Variants in SYTL2 observed in about 807,000 individuals in gnomAD.
SYTL2 encodes the protein synaptotagmin like 2, also known as synaptotagmin-like protein 2.
In SYTL2, 165 loss-of-function variants were observed where a neutral mutation model predicts 198.7. The observed-to-expected ratio is 0.83, with a 90% CI of 0.73 to 0.94. The LOEUF is 0.94. SYTL2 is among the 40% of genes least tolerant of loss of function. The pLI is 0.00. For synonymous variants in SYTL2, 966 were observed against 917.7 expected (o/e 1.05, Z -0.95); for missense variants, 2,835 against 2,582.8 (o/e 1.10, Z -2.12).
intron 4 of SYTL2, among the ~76,000 whole-genome samples, chr11:85,744,425 T>C (rs1467563580): frequency 1.3e-5 from 2 of 152,096 alleles, no homozygotes; most frequent in Non-Finnish European, 2.9e-5. Context: ...TCTACAGATA[T>C]AAAAGAATAT....
At chr11:85,735,974 G>A (rs1001965612) in intron 6 of SYTL2, among the ~76,000 whole-genome samples, 1 of 152,172 alleles carries the variant, frequency 6.6e-6, no homozygotes, top group African/African-American at 2.4e-5. Flanking sequence ...TGAAGAGATT[G>A]AAATGTTTAG....
intron 1 of SYTL2, among the ~76,000 whole-genome samples, chr11:85,795,419 C>T (rs535665296): frequency 1.1e-4 from 17 of 152,276 alleles, no homozygotes; most frequent in African/African-American, 3.4e-4. Flanking sequence ...CAGATACTTA[C>T]GCCCAGTAGC....
intron 4 of SYTL2, among the ~76,000 whole-genome samples, chr11:85,742,661 T>C (rs1005351964): frequency 1.3e-5 from 2 of 152,246 alleles, no homozygotes; most frequent in African/African-American, 4.8e-5. Context: ...TTGTTTTCTG[T>C]ATTTTATTTT....
At chr11:85,817,232 A>C in the SYTL2 span, among the ~76,000 whole-genome samples, 1 of 152,186 alleles carries the variant, frequency 6.6e-6, no homozygotes, top group Non-Finnish European at 1.5e-5. Context: ...GTGTATACCC[A>C]TTATTTCATG....
At chr11:85,766,838 G>A (rs1346821235) in intron 1 of SYTL2, among the ~76,000 whole-genome samples, 1 of 152,198 alleles carries the variant, frequency 6.6e-6, no homozygotes, top group Non-Finnish European at 1.5e-5. Context: ...GCCAGGGAAG[G>A]CTTCCTTGAA....
At chr11:85,783,035 T>C (rs969875039) in intron 1 of SYTL2, among the ~76,000 whole-genome samples, 2 of 152,242 alleles carry the variant, frequency 1.3e-5, no homozygotes, top group Non-Finnish European at 1.5e-5. Flanking sequence ...CATTTTTGGA[T>C]ATCTTTACAG....
the SYTL2 span, among the ~76,000 whole-genome samples, chr11:85,848,895 G>GA: frequency 2.6e-5 from 4 of 151,420 alleles, no homozygotes; most frequent in Non-Finnish European, 5.9e-5. Flanking sequence ...AAGTAAGAAG[G>GA]AAAAAAAAGA....
intron 11 of SYTL2, chr11:85,715,221 G>A (rs2086986235): frequency 6.6e-6 from 1 of 152,082 alleles, no homozygotes; most frequent in Non-Finnish European, 1.5e-5. Flanking sequence ...GAAGGTACAA[G>A]AAGAGGATAA....
chr11:85,707,592 GTTT>G (rs2085404924), intron 14 of SYTL2, 61 bp from the exon 15 acceptor site: 2 of 1,065,250 alleles, frequency 1.9e-6, no homozygotes, highest in Admixed American at 3.9e-5. Flanking sequence ...TCCACCTCTA[GTTT>G]TTTAAATACA....
intron 12 of SYTL2, among the ~76,000 whole-genome samples, chr11:85,711,516 G>A (rs1348807390): frequency 9.2e-5 from 14 of 152,172 alleles, no homozygotes; most frequent in Non-Finnish European, 1.0e-4. Flanking sequence ...GCACTATTGT[G>A]AGCTTTCTTG....
At chr11:85,806,261 T>G (rs954118046) in intron 1 of SYTL2, among the ~76,000 whole-genome samples, 1 of 152,196 alleles carries the variant, frequency 6.6e-6, no homozygotes, top group Admixed American at 6.5e-5. Context: ...ATTCCAATCA[T>G]AGCTGCACAT....
chr11:85,827,487 G>A, the SYTL2 span, among the ~76,000 whole-genome samples: 1 of 152,042 alleles, frequency 6.6e-6, no homozygotes, highest in Non-Finnish European at 1.5e-5. Context: ...GCCTTTCCAG[G>A]GGCTGTTCTC....
At chr11:85,761,916 C>A (rs1338857437) in intron 1 of SYTL2, among the ~76,000 whole-genome samples, 2 of 152,210 alleles carry the variant, frequency 1.3e-5, no homozygotes, top group Non-Finnish European at 2.9e-5. Context: ...GCCTCGGCCT[C>A]CCAAAGTATT....
chr11:85,695,426 C>T lies in SYTL2; in HGVS notation c.6575-86G>A, dbSNP rs1216795635. ...GAAAGTTATTCCCTAATTATAACCA[C>T]CAGTGGAAGCTAGGAGGAGCTTTCT... On this transcript the variant is annotated intron_variant, in intron 19 of 19. Coordinates refer to ENST00000359152, the MANE Select transcript of SYTL2 (RefSeq NM_206927.4). 3 of 1,162,956 alleles carry T rather than the reference C, an allele frequency of 2.6e-6. No individual in the cohort carries two copies. The African/African-American group carries it at 4.6e-5, about 18-fold the overall frequency. The allele number at this position is 1,162,956 out of a possible 1,614,324, so 72.0% of individuals were successfully genotyped here.
At chr11:85,708,932 G>A (rs894054248) in intron 14 of SYTL2, among the ~76,000 whole-genome samples, 15 of 125,424 alleles carry the variant, frequency 1.2e-4, no homozygotes, top group Admixed American at 3.1e-4. Context: ...TGCAAGCTCC[G>A]CCTCCTCGCC....
At chr11:85,721,735 C>T (rs1310197918) in intron 8 of SYTL2, among the ~76,000 whole-genome samples, 1 of 152,098 alleles carries the variant, frequency 6.6e-6, no homozygotes, top group Non-Finnish European at 1.5e-5. Flanking sequence ...CTTCTCTAGA[C>T]AATAATTTCC....
chr11:85,730,292 A>C (rs1322328177), intron 7 of SYTL2, among the ~76,000 whole-genome samples: 1 of 152,214 alleles, frequency 6.6e-6, no homozygotes, highest in Non-Finnish European at 1.5e-5. Context: ...CAACACAAGA[A>C]AAGAAAATTT....
chr11:85,707,640 C>T (rs1029491342), intron 14 of SYTL2, 109 bp from the exon 15 acceptor site: 104 of 735,034 alleles, frequency 1.4e-4, no homozygotes, highest in Non-Finnish European at 2.3e-4. Context: ...TATTTCATGA[C>T]ACTGAGAAAA....
At chr11:85,791,120 T>C (rs1425023707) in intron 1 of SYTL2, among the ~76,000 whole-genome samples, 2 of 114,026 alleles carry the variant, frequency 1.8e-5, no homozygotes, top group Admixed American at 1.3e-4. Flanking sequence ...TGAGCCAAGA[T>C]CACGCCACTG....
Sources: gnomAD v4.1 joint callset for allele counts (sites outside exome capture counted in the v4.1 genomes callset) on GRCh38, gnomAD v4.1.1 for gene constraint, MANE v1.5 for transcripts, NCBI Gene and HGNC (gene_info 2026-07-23, HGNC 2026-07-21) for gene names.